The following ASL variants were observed in gnomAD, a reference collection of about 807,000 sequenced individuals.
ASL encodes argininosuccinase.
A neutral mutation model predicts 69.1 loss-of-function variants in ASL; 51 were observed. The observed-to-expected ratio is 0.74, with a 90% CI of 0.59 to 0.93. The LOEUF is 0.93. Ranked by LOEUF, ASL falls within the 40% of genes least tolerant of loss-of-function variation. The pLI, the probability that ASL is intolerant of heterozygous loss-of-function variation, is 0.00. For synonymous variants in ASL, 241 were observed against 247.6 expected (o/e 0.97, Z 0.25); for missense variants, 540 against 623.9 (o/e 0.87, Z 1.43).
In ASL at chr7:66,090,067, G is replaced by A. The variant is rs545276469; in HGVS notation, c.1062+372G>A. ...AGCCTGGCCAACATGGCGTAACCACGTCTCTACTAAAAATACAAAAATTAG... is the reference window on the plus strand; with the variant it reads ...AGCCTGGCCAACATGGCGTAACCACATCTCTACTAAAAATACAAAAATTAG... On this transcript the variant is annotated intron_variant, in intron 14 of 16. Transcript: ENST00000304874. Among the ~76,000 whole-genome samples the A allele has an allele frequency of 3.1e-4, 47 of 152,166 alleles. 1 individual carries two copies. In the South Asian group the frequency reaches 8.5e-3, roughly 28 times the overall value.
intron 11 of ASL, 68 bp downstream of exon 11, chr7:66,088,989 G>A (rs1024855006): frequency 6.2e-7 from 1 of 1,607,786 alleles, no homozygotes; most frequent in Non-Finnish European, 8.5e-7. Flanking sequence ...CCGCGGACGT[G>A]GCTGCCTTCC....
chr7:66,086,468 G>A (rs1786664404), intron 6 of ASL, 117 bp from the exon 7 acceptor site: 1 of 1,063,126 alleles, frequency 9.4e-7, no homozygotes, highest in African/African-American at 1.6e-5. Context: ...CCTCATTCAG[G>A]TGGAGTGCTG....
Position 66,076,094 on chromosome 7 carries a change from G to T in ASL, c.12+1G>T. On this transcript the variant is annotated splice_donor_variant, in intron 2 of 16. Transcript: ENST00000304874. LOFTEE classifies it high-confidence loss of function. ...GGAACCGCCCAACATGGCCTCGGAG[G>T]TGAGTGGGACCTCGGGGACTCCGGT... The T allele has an allele frequency of 6.3e-7, 1 of 1,599,076 alleles. No individual in the cohort carries two copies. Among genetic ancestry groups the T allele is most frequent in the Non-Finnish European group, 8.5e-7 (1 of 1,173,530 alleles).
intron 14 of ASL, among the ~76,000 whole-genome samples, chr7:66,089,897 G>A (rs1291278165): frequency 1.3e-5 from 2 of 152,124 alleles, no homozygotes; most frequent in Non-Finnish European, 2.9e-5. Context: ...GACTCAGGGG[G>A]CCTGGGGCCT....
chr7:66,089,252 C>T (rs1484084600), intron 12 of ASL, 24 bp from the exon 13 acceptor site: 5 of 1,610,922 alleles, frequency 3.1e-6, no homozygotes, highest in Non-Finnish European at 3.4e-6. Context: ...CGGGTCCAGC[C>T]CCTGTGCCTC....
chr7:66,084,648 CTTGCTCTG>C (rs955278763), intron 6 of ASL, among the ~76,000 whole-genome samples: 70 of 151,804 alleles, frequency 4.6e-4, no homozygotes, highest in African/African-American at 1.7e-3. Context: ...GAGACAGAGT[CTTGCTCTG>C]TTGCCCAGGC....
intron 4 of ASL, 46 bp downstream of exon 4, chr7:66,082,497 C>A (rs760048145): frequency 6.3e-7 from 1 of 1,580,436 alleles, no homozygotes; most frequent in Non-Finnish European, 8.6e-7. Flanking sequence ...CCCCTCTCCA[C>A]CTTGCCCAGG....
chr7:66,084,448 C>T (rs1459040493), intron 6 of ASL, among the ~76,000 whole-genome samples: 1 of 152,064 alleles, frequency 6.6e-6, no homozygotes, highest in African/African-American at 2.4e-5. Context: ...ACCCATAAGC[C>T]ACTGCGCTCA....
intron 2 of ASL, 135 bp from the exon 3 acceptor site, chr7:66,081,668 C>A (rs1584020840): frequency 9.3e-7 from 1 of 1,079,342 alleles, no homozygotes; most frequent in Non-Finnish European, 1.3e-6. Context: ...AGGTCTCAGC[C>A]TCCTTGTCTG....
intron 10 of ASL, among the ~76,000 whole-genome samples, chr7:66,088,153 G>A (rs1017709401): frequency 2.6e-5 from 4 of 151,944 alleles, no homozygotes; most frequent in Non-Finnish European, 5.9e-5. Context: ...CAACAAGAGC[G>A]AAACTCCATC....
At position 66,092,850 on chromosome 7, in the gene ASL, C is replaced by A; in HGVS notation, c.1333C>A (p.Arg445Ser). ...GTATGGTGCCCTGGGCGGCACTGCG[C>A]GCTCCAGCGTCGACTGGCAGATCCG... ...EQYGALGGTA[R>S]SSVDWQIRQV... Residue 445 changes from arginine (R) to serine (S), a missense_variant, in exon 17 of 17, where the codon CGC becomes AGC. Coordinates refer to ENST00000304874, the MANE Select transcript of ASL (RefSeq NM_000048.4). 1 of 1,613,174 alleles carries A rather than the reference C, an allele frequency of 6.2e-7. No individual in the cohort carries two copies. Among genetic ancestry groups the A allele is most frequent in the South Asian group, 1.1e-5 (1 of 91,086 alleles).
intron 14 of ASL, among the ~76,000 whole-genome samples, chr7:66,090,059 G>A (rs958560158): frequency 2.0e-5 from 3 of 152,120 alleles, no homozygotes; most frequent in South Asian, 2.1e-4. Flanking sequence ...CCAACATGGC[G>A]TAACCACGTC....
rs1786903980 is a variant in ASL at position 66,093,157 on chromosome 7, T to G, written c.*245T>G. On this transcript the variant is annotated 3_prime_UTR_variant, in exon 17 of 17. Transcript: ENST00000304874. ...CAGGGAGACCCCCATCTCTACTCAA[T>G]AATAAAACAAATAGCCTGGCGTGGT... 1.3e-5 allele frequency: 8 copies of G among 599,308 alleles called. No homozygotes were observed. The Admixed American group carries it at 2.1e-4, about 15-fold the overall frequency. The allele number at this position is 599,308 out of a possible 1,614,324, so 37.1% of individuals were successfully genotyped here. A position where few individuals can be genotyped will look rare whatever the true frequency, so the allele number is the denominator to read the frequency against.
At chr7:66,089,366 G>A in intron 13 of ASL, 31 bp downstream of exon 13, 3 of 1,576,162 alleles carry the variant, frequency 1.9e-6, no homozygotes, top group Non-Finnish European at 2.6e-6. Context: ...TGGCTAGTAC[G>A]TGCCAGTTCT....
Position 66,089,188 on chromosome 7 carries a change from G to A in ASL, c.918+13G>A. ...TGTGTTTGGGCGGGTGAGCAAGGCA[G>A]GGGGAGGGGCGGGGCCTCTGGGCTG... On this transcript the variant is annotated intron_variant, in intron 12 of 16. Transcript: ENST00000304874. 1.9e-6 allele frequency: 3 copies of A among 1,613,760 alleles called. No individual in the cohort carries two copies. The highest frequency in any genetic ancestry group is 2.5e-6 in the Non-Finnish European group (3 of 1,179,916).
In ASL at chr7:66,089,036, G is replaced by A. The variant is rs993812214; in HGVS notation, c.834-55G>A. The A allele has an allele frequency of 1.4e-5, 22 of 1,611,964 alleles. No individual in the cohort carries two copies. The African/African-American group carries it at 2.0e-4, about 15-fold the overall frequency. ...CCCCTCCGCCAGACCTGGCCATTGC[G>A]GCGCTGGACCAGCCAAGGGTCCAGC... On this transcript the variant is annotated intron_variant, in intron 11 of 16. Coordinates refer to ENST00000304874, the MANE Select transcript of ASL (RefSeq NM_000048.4).
At chr7:66,088,766 G>A in intron 10 of ASL, 41 bp from the exon 11 acceptor site, 2 of 1,551,360 alleles carry the variant, frequency 1.3e-6, no homozygotes, top group Non-Finnish European at 1.8e-6. Flanking sequence ...AGGCTGGGTG[G>A]GGATGGGAGA....
At chr7:66,088,666 G>C in intron 10 of ASL, 141 bp from the exon 11 acceptor site, 1 of 734,184 alleles carries the variant, frequency 1.4e-6, no homozygotes, top group Non-Finnish European at 2.4e-6. Context: ...AGAACAGCTT[G>C]GGCGACATAG....
chr7:66,087,348 G>T lies in ASL; in HGVS notation c.617G>T (p.Gly206Val), dbSNP rs760559303. The T allele has an allele frequency of 6.2e-7, 1 of 1,605,488 alleles. No homozygotes were observed. Among genetic ancestry groups the T allele is most frequent in the Non-Finnish European group, 8.5e-7 (1 of 1,179,826 alleles). The change falls in exon 9 of 17, where the codon GGC becomes GTC. Residue 206 changes from glycine to valine, a missense_variant. Physicochemically the swap from Gly to Val is moderately radical, Grantham distance 109. Transcript: ENST00000304874. ...TGTCCCTGCAGTGGGGCCATTGCAG[G>T]CAATCCCCTGGGTGTGGACCGAGAG... ...VLPLGSGAIA[G>V]NPLGVDRELL...
Sources: allele counts gnomAD v4.1 joint callset (sites outside exome capture counted in the v4.1 genomes callset), GRCh38; gene constraint gnomAD v4.1.1; transcripts MANE v1.5; gene names NCBI Gene and HGNC (gene_info 2026-07-23, HGNC 2026-07-21).